PBX3: variants seen among roughly 807,000 people sequenced by gnomAD.
PBX3 encodes pre-B-cell leukemia transcription factor 3.
A neutral mutation model predicts 48.5 loss-of-function variants in PBX3; 14 were observed. That is an observed-to-expected ratio of 0.29 (90% CI 0.19 to 0.45). The LOEUF is 0.45. PBX3 is among the 20% of genes least tolerant of loss of function. The pLI is 1.00. For synonymous variants in PBX3, 210 were observed against 200.3 expected (o/e 1.05, Z -0.41); for missense variants, 386 against 546.7 (o/e 0.71, Z 2.93).
chr9:125,760,270 T>G (rs562174859), intron 2 of PBX3, among the ~76,000 whole-genome samples: 193 of 152,346 alleles, frequency 1.3e-3, no homozygotes, highest in Middle Eastern at 3.4e-3. Flanking sequence ...TTTAATTAAA[T>G]TGTAAATTTC....
intron 2 of PBX3, among the ~76,000 whole-genome samples, chr9:125,874,810 T>C (rs577851678): frequency 6.6e-6 from 1 of 152,282 alleles, no homozygotes; most frequent in Non-Finnish European, 1.5e-5. Context: ...TGGCATACCC[T>C]ATAAACTTGG....
rs1349820255 is a variant in PBX3, at chr9:125,903,589, C to T, written c.275-12097C>T. ...TGGAGAAATACAAAATTATAGAATTCGATGTTATTCATACAATGGTATTTC... is the reference window on the plus strand; with the variant it reads ...TGGAGAAATACAAAATTATAGAATTTGATGTTATTCATACAATGGTATTTC... On this transcript the variant is annotated intron_variant, in intron 2 of 8. Transcript: ENST00000373489. Among the ~76,000 whole-genome samples the T allele has an allele frequency of 2.0e-5, 3 of 151,780 alleles. 1 individual carries two copies. The highest frequency in any genetic ancestry group is 4.1e-4 in the South Asian group (2 of 4,820).
At chr9:125,903,622 T>C (rs769621490) in intron 2 of PBX3, among the ~76,000 whole-genome samples, 9 of 151,882 alleles carry the variant, frequency 5.9e-5, no homozygotes, top group Non-Finnish European at 1.0e-4. Flanking sequence ...TTCTTATTTT[T>C]ATGTCTTCAA....
chr9:125,778,534 G>A (rs1332070032), intron 2 of PBX3, among the ~76,000 whole-genome samples: 1 of 151,858 alleles, frequency 6.6e-6, no homozygotes, highest in Non-Finnish European at 1.5e-5. Context: ...TGGGATTACA[G>A]GCGTGAGCCA....
intron 2 of PBX3, among the ~76,000 whole-genome samples, chr9:125,820,076 G>T (rs932520462): frequency 2.0e-5 from 3 of 152,160 alleles, no homozygotes; most frequent in Non-Finnish European, 4.4e-5. Context: ...GCATGAAAAC[G>T]TTTGCACTGC....
intron 2 of PBX3, among the ~76,000 whole-genome samples, chr9:125,794,269 C>T (rs1055601197): frequency 1.3e-5 from 2 of 152,098 alleles, no homozygotes; most frequent in African/African-American, 4.8e-5. Flanking sequence ...CACCTGGGAG[C>T]TTATTAAAAC....
intron 5 of PBX3, among the ~76,000 whole-genome samples, chr9:125,954,114 G>A (rs946954689): frequency 1.3e-5 from 2 of 152,130 alleles, no homozygotes; most frequent in East Asian, 3.9e-4. Flanking sequence ...TTGCCCCGAA[G>A]TATGAGACCC....
intron 2 of PBX3, among the ~76,000 whole-genome samples, chr9:125,805,318 A>G (rs552021420): frequency 1.6e-4 from 24 of 152,190 alleles, no homozygotes; most frequent in African/African-American, 4.8e-4. Flanking sequence ...ATAGTATGAG[A>G]TGAGGTTGGG....
rs1266775668 is a variant in PBX3 at position 125,759,764 on chromosome 9, G to C, written c.274+11141G>C. 6.6e-6 allele frequency among the ~76,000 whole-genome samples: 1 copy of C among 152,168 alleles called. No individual in the cohort carries two copies. The highest frequency in any genetic ancestry group is 6.5e-5 in the Admixed American group (1 of 15,288). On this transcript the variant is annotated intron_variant, in intron 2 of 8. Transcript: ENST00000373489. This position sits in a 1 kb window ranked among gnomAD's most constrained non-coding sequence, Gnocchi z 4.2. The stretch of plus-strand genomic sequence containing the variant: ...ATGCAAATGAGCTTTTATGGCAACT[G>C]GCATAACAATTAGCATCCTCCAGCA...
Position 125,954,920 on chromosome 9 carries a change from A to T in PBX3, c.844-5764A>T, listed in dbSNP as rs956559771. Among the ~76,000 whole-genome samples the T allele has an allele frequency of 5.3e-5, 8 of 152,342 alleles. 1 individual carries two copies. The highest frequency in any genetic ancestry group is 4.1e-4 in the South Asian group (2 of 4,828). On this transcript the variant is annotated intron_variant, in intron 5 of 8. Coordinates refer to ENST00000373489, the MANE Select transcript of PBX3 (RefSeq NM_006195.6). ...GATACATTTTAAAGAATAGTGTTAC[A>T]GTTTTATTTTAAGATGTCAACATTT...
chr9:125,780,424 C>G (rs1396905760), intron 2 of PBX3, among the ~76,000 whole-genome samples: 1 of 127,788 alleles, frequency 7.8e-6, no homozygotes, highest in Non-Finnish European at 1.7e-5. Flanking sequence ...TGACCCCCCC[C>G]CCACCTCCCT....
intron 5 of PBX3, among the ~76,000 whole-genome samples, chr9:125,955,530 C>T (rs1019027863): frequency 5.9e-5 from 9 of 152,144 alleles, no homozygotes; most frequent in Non-Finnish European, 8.8e-5. Flanking sequence ...TCTGGGATCT[C>T]GGAGTGGTCC....
Position 125,879,278 on chromosome 9 carries a change from C to T in PBX3, c.275-36408C>T, listed in dbSNP as rs185289277. 6.4e-3 allele frequency among the ~76,000 whole-genome samples: 972 copies of T among 151,984 alleles called. 7 individuals carry two copies. Among genetic ancestry groups the T allele is most frequent in the African/African-American group, 0.022 (921 of 41,446 alleles). ...TTTTGTAGTAGAGATGGGATTTCAC[C>T]ATATTGGCCAACCTGATCTCGATCG... On this transcript the variant is annotated intron_variant, in intron 2 of 8. Transcript: ENST00000373489.
At position 125,915,786 on chromosome 9, in the gene PBX3, A is replaced by C; in HGVS notation, c.375A>C (p.Lys125Asn). Residue 125 changes from lysine (K) to asparagine (N), a missense_variant, in exon 3 of 9, where the codon AAA (lysine) becomes AAC (asparagine). By Grantham distance (94) the Lys-to-Asn change is moderately conservative. This residue lies in a region of PBX3 where 69 missense variants were observed against 99.1 expected (regional missense o/e 0.70). Transcript: ENST00000373489. ...CAGAAGGGGTTTCAGGTCCTGAGAA[A>C]GGTGGGGGATCGGCGGCAGCAGCTG... ...LLAEGVSGPE[K>N]GGGSAAAAAA... 6.2e-7 allele frequency: 1 copy of C among 1,614,086 alleles called. No homozygotes were observed. The highest frequency in any genetic ancestry group is 1.7e-5 in the Admixed American group (1 of 60,012).
chr9:125,802,808 A>G (rs999911562), intron 2 of PBX3, among the ~76,000 whole-genome samples: 2 of 151,508 alleles, frequency 1.3e-5, no homozygotes, highest in African/African-American at 2.4e-5. Context: ...CCTCCCGAGT[A>G]GCTGGGATTA....
At chr9:125,886,935 C>T (rs994411258) in intron 2 of PBX3, among the ~76,000 whole-genome samples, 6 of 152,102 alleles carry the variant, frequency 3.9e-5, no homozygotes, top group African/African-American at 9.7e-5. Flanking sequence ...TTTCACTATA[C>T]AGCAGTTCAT....
At chr9:125,822,594 G>A (rs911381215) in intron 2 of PBX3, among the ~76,000 whole-genome samples, 3 of 151,998 alleles carry the variant, frequency 2.0e-5, no homozygotes, top group Non-Finnish European at 2.9e-5. Flanking sequence ...TGAGCATACC[G>A]TTTATTCAGA....
intron 2 of PBX3, among the ~76,000 whole-genome samples, chr9:125,774,046 AAAG>A (rs1421373907): frequency 6.6e-6 from 1 of 152,188 alleles, no homozygotes; most frequent in African/African-American, 2.4e-5. Context: ...GGTAATTTAT[AAAG>A]AAGAGATGTT....
chr9:125,833,594 T>C (rs1217181405), intron 2 of PBX3, among the ~76,000 whole-genome samples: 1 of 152,228 alleles, frequency 6.6e-6, no homozygotes, highest in Non-Finnish European at 1.5e-5. Context: ...AACTTGAGGA[T>C]TAACCTAATG....
Sources: allele counts gnomAD v4.1 joint callset (sites outside exome capture counted in the v4.1 genomes callset), GRCh38; gene constraint gnomAD v4.1.1; regional missense constraint gnomAD v4.1.1; non-coding constraint Gnocchi (gnomAD v3.1); transcripts MANE v1.5; gene names NCBI Gene and HGNC (gene_info 2026-07-23, HGNC 2026-07-21).